The following ADAR variants were observed in gnomAD, a reference collection of about 807,000 sequenced individuals.
ADAR encodes adenosine deaminase RNA specific.
ADAR carries 41 observed loss-of-function variants against 113.2 expected under a neutral mutation model. That is an observed-to-expected ratio of 0.36 (90% CI 0.28 to 0.47). The LOEUF is 0.47. Among genes scored for constraint, ADAR ranks in the 20% least tolerant of loss-of-function variants. ADAR has a pLI of 1.00. For synonymous variants in ADAR, 605 were observed against 572.6 expected, an observed-to-expected ratio of 1.06 and a Z score of -0.81; for missense variants, 1,242 against 1,540.9, an observed-to-expected ratio of 0.81 and a Z score of 3.25.
At chr1:154,609,623 G>C (rs565088653), upstream of ADAR, among the ~76,000 whole-genome samples, 96 of 152,296 alleles carry the variant, frequency 6.3e-4, no homozygotes, top group African/African-American at 2.3e-3. Flanking sequence ...TAGGGGGAGA[G>C]GAGGGGGAGC....
chr1:154,602,016 C>T lies in ADAR; in HGVS notation c.626G>A (p.Gly209Glu). ...GCTATGACCGTCTGGTCTTACCACTCCGCTGTGCTGGTTCCAAGCCTGAGT... is the reference window on the plus strand; with the variant it reads ...GCTATGACCGTCTGGTCTTACCACTTCGCTGTGCTGGTTCCAAGCCTGAGT... ...VSTQAWNQHS[G>E]VVRPDGHSQG... is the part of the protein sequence containing the mutation. The change falls in exon 2 of 15, where the codon GGA becomes GAA. Residue 209 changes from glycine (G) to glutamate (E), a missense_variant. Physicochemically the swap from Gly to Glu is moderately conservative, Grantham distance 98. Around this residue, in one of 2 missense-constraint regions of ADAR, gnomAD observed 462 missense variants for 483.1 expected, o/e 0.96. Transcript: ENST00000368474. The T allele has an allele frequency of 6.2e-7, 1 of 1,614,248 alleles. No homozygotes were observed. The highest frequency in any genetic ancestry group is 8.5e-7 in the Non-Finnish European group (1 of 1,180,030).
chr1:154,610,510 T>C (rs1359535856), upstream of ADAR, among the ~76,000 whole-genome samples: 1 of 152,160 alleles, frequency 6.6e-6, no homozygotes, highest in African/African-American at 2.4e-5. Context: ...TAGTATGCTC[T>C]GCATAAAAGA....
At chr1:154,624,456 A>C (rs1254159480) in intron 1 of ADAR, among the ~76,000 whole-genome samples, 1 of 152,222 alleles carries the variant, frequency 6.6e-6, no homozygotes, top group East Asian at 1.9e-4. Flanking sequence ...TGTAAGTCAC[A>C]GTCTATATGG....
intron 1 of ADAR, among the ~76,000 whole-genome samples, chr1:154,617,530 ACTGT>A (rs1487352276): frequency 2.6e-5 from 4 of 152,136 alleles, no homozygotes; most frequent in East Asian, 1.9e-4. Context: ...AATAATAAAG[ACTGT>A]CTATCATAAA....
intron 7 of ADAR, 75 bp downstream of exon 7, chr1:154,590,109 G>T: frequency 6.6e-7 from 1 of 1,520,414 alleles, no homozygotes; most frequent in Non-Finnish European, 9.1e-7. Flanking sequence ...TCGCATGACA[G>T]CAAGAGCCAC....
intron 1 of ADAR, among the ~76,000 whole-genome samples, chr1:154,602,944 G>A (rs1697983060): frequency 6.6e-6 from 1 of 152,140 alleles, no homozygotes; most frequent in African/African-American, 2.4e-5. Flanking sequence ...GAGTTGAGAA[G>A]GTAATTTTCT....
intron 6 of ADAR, among the ~76,000 whole-genome samples, chr1:154,593,007 T>C (rs190116824): frequency 2.6e-5 from 4 of 151,902 alleles, no homozygotes; most frequent in Admixed American, 2.0e-4. Context: ...TGGTGGCAGA[T>C]GCCTGTAATC....
rs868742025 is a variant in ADAR at position 154,601,949 on chromosome 1, G to A, written c.693C>T (p.Asp231=). The A allele has an allele frequency of 6.2e-7, 1 of 1,614,072 alleles. No individual in the cohort carries two copies. The highest frequency in any genetic ancestry group is 8.5e-7 in the Non-Finnish European group (1 of 1,180,008). Residue 231 remains aspartate (D), a synonymous_variant, in exon 2 of 15, where the codon GAC becomes GAT. Coordinates refer to ENST00000368474, the MANE Select transcript of ADAR (RefSeq NM_001111.5). The surrounding 1 kb of genome is among the most constrained non-coding windows in gnomAD (Gnocchi z 4.7). ...PNSDPSLEPE[D]RNSTSVSEDL... Reference sequence around the variant, plus strand: ...CTTCTGAGACAGATGTGGAGTTTCTGTCTTCCGGTTCCAAACTCGGGTCTG... The same window carrying A: ...CTTCTGAGACAGATGTGGAGTTTCTATCTTCCGGTTCCAAACTCGGGTCTG...
chr1:154,604,409 A>G (rs1053375894), intron 1 of ADAR, among the ~76,000 whole-genome samples: 14 of 152,202 alleles, frequency 9.2e-5, no homozygotes, highest in African/African-American at 3.4e-4. Flanking sequence ...TCTCATGGTC[A>G]GTTCCCTTCT....
chr1:154,588,840 G>A (rs967020005), intron 9 of ADAR, among the ~76,000 whole-genome samples, 167 bp from the exon 10 acceptor site: 4 of 152,236 alleles, frequency 2.6e-5, no homozygotes, highest in Non-Finnish European at 5.9e-5. Context: ...ATTTCATAAA[G>A]CATAGTTAGC....
At chr1:154,606,515 C>T (rs1173269655) in intron 1 of ADAR, among the ~76,000 whole-genome samples, 1 of 151,962 alleles carries the variant, frequency 6.6e-6, no homozygotes, top group African/African-American at 2.4e-5. Context: ...GGAATGAACA[C>T]AGAGAAAAGA....
chr1:154,588,817 G>T, intron 9 of ADAR, 144 bp from the exon 10 acceptor site: 1 of 1,187,752 alleles, frequency 8.4e-7, no homozygotes, highest in Non-Finnish European at 1.2e-6. Flanking sequence ...AATTCTCCAG[G>T]GGAGACCTCA....
intron 1 of ADAR, chr1:154,627,800 TG>T (rs1698988007): frequency 7.8e-6 from 4 of 514,388 alleles, no homozygotes; most frequent in Non-Finnish European, 1.5e-5. Context: ...AGAGGCCGCA[TG>T]GGCCGCGCGT....
chr1:154,588,073 T>C, intron 11 of ADAR, 52 bp downstream of exon 11: 1 of 1,610,332 alleles, frequency 6.2e-7, no homozygotes, highest in Non-Finnish European at 8.5e-7. Context: ...TTGGGGTCCC[T>C]GGACCTTGCA....
intron 11 of ADAR, among the ~76,000 whole-genome samples, chr1:154,587,764 C>T (rs1272506096): frequency 6.6e-6 from 1 of 152,150 alleles, no homozygotes; most frequent in Non-Finnish European, 1.5e-5. Context: ...GGTTGTGCCG[C>T]ACTCTTCATT....
chr1:154,609,389 C>T (rs77083839), upstream of ADAR, among the ~76,000 whole-genome samples: 10 of 152,294 alleles, frequency 6.6e-5, no homozygotes, highest in Non-Finnish European at 1.5e-4. Context: ...CTTAATTTTA[C>T]CCCCATGCTT....
At chr1:154,608,311 T>C (rs1004107603), upstream of ADAR, 1 of 463,034 alleles carries the variant, frequency 2.2e-6, no homozygotes, top group Non-Finnish European at 3.8e-6. Context: ...CTCCGCTGCA[T>C]GAGAACTACG....
At chr1:154,591,076 G>C (rs1697116562) in intron 6 of ADAR, among the ~76,000 whole-genome samples, 1 of 152,196 alleles carries the variant, frequency 6.6e-6, no homozygotes, top group Non-Finnish European at 1.5e-5. Flanking sequence ...TGGAAAACCA[G>C]TATCACTTGC....
chr1:154,589,699 TGA>T (rs1451717993), intron 8 of ADAR, 56 bp downstream of exon 8: 2 of 1,605,924 alleles, frequency 1.2e-6, no homozygotes, highest in Non-Finnish European at 1.7e-6. Context: ...CAGGGGAGGA[TGA>T]GAGGCACCCG....
Sources: allele counts gnomAD v4.1 joint callset (sites outside exome capture counted in the v4.1 genomes callset), GRCh38; gene constraint gnomAD v4.1.1; regional missense constraint gnomAD v4.1.1; non-coding constraint Gnocchi (gnomAD v3.1); transcripts MANE v1.5; gene names NCBI Gene and HGNC (gene_info 2026-07-23, HGNC 2026-07-21).